VPS45: variants seen among roughly 807,000 people sequenced by gnomAD.
VPS45 encodes vacuolar protein sorting-associated protein 45.
Under a neutral mutation model 75.9 loss-of-function variants are expected in VPS45, and 35 were observed. The ratio of observed to expected loss-of-function variants is 0.46; its 90% confidence interval spans 0.35 to 0.61. The LOEUF is 0.61. VPS45 is among the 20% of genes least tolerant of loss of function. The pLI, the probability that VPS45 is intolerant of heterozygous loss-of-function variation, is 0.00. For missense variants in VPS45, 559 were observed against 685.9 expected, an observed-to-expected ratio of 0.81 and a Z score of 2.07; for synonymous variants, 220 against 238.2, an observed-to-expected ratio of 0.92 and a Z score of 0.70.
At chr1:150,084,172 A>G (rs1655882293) in intron 10 of VPS45, among the ~76,000 whole-genome samples, 1 of 152,196 alleles carries the variant, frequency 6.6e-6, no homozygotes, top group Non-Finnish European at 1.5e-5. Flanking sequence ...GAGAGTGAGT[A>G]TGAAACAGAA....
chr1:150,084,479 A>G (rs1553800264), intron 10 of VPS45, among the ~76,000 whole-genome samples: 1 of 152,176 alleles, frequency 6.6e-6, no homozygotes, highest in Non-Finnish European at 1.5e-5. Flanking sequence ...GGATATAAAG[A>G]TAGAATAAAT....
intron 14 of VPS45, among the ~76,000 whole-genome samples, chr1:150,144,387 G>T (rs1553816083): frequency 6.6e-6 from 1 of 152,118 alleles, no homozygotes; most frequent in Non-Finnish European, 1.5e-5. Context: ...ATGGTACTGA[G>T]TTAATATAGT....
intron 3 of VPS45, 74 bp from the exon 4 acceptor site, chr1:150,076,159 A>G (rs183004274): frequency 1.2e-4 from 137 of 1,097,778 alleles, no homozygotes; most frequent in Non-Finnish European, 1.7e-4. Flanking sequence ...ATTAGGCTTT[A>G]ACTATCAGGC....
intron 14 of VPS45, among the ~76,000 whole-genome samples, chr1:150,128,009 A>G (rs1553811178): frequency 6.6e-6 from 1 of 152,154 alleles, no homozygotes; most frequent in East Asian, 1.9e-4. Flanking sequence ...TTGAGTAAAA[A>G]TGACTAACTT....
chr1:150,098,033 G>C (rs988287851), intron 13 of VPS45, among the ~76,000 whole-genome samples: 1 of 152,042 alleles, frequency 6.6e-6, no homozygotes, highest in Admixed American at 6.5e-5. Context: ...CATTTTTATA[G>C]AGACAAGGTT....
At chr1:150,092,977 G>A (rs1656422324) in intron 12 of VPS45, among the ~76,000 whole-genome samples, 1 of 149,528 alleles carries the variant, frequency 6.7e-6, no homozygotes. Context: ...CGAGTAGCTG[G>A]GACTACAGGC....
chr1:150,128,216 A>G (rs1658617587), intron 14 of VPS45, among the ~76,000 whole-genome samples: 1 of 151,744 alleles, frequency 6.6e-6, no homozygotes, highest in Non-Finnish European at 1.5e-5. Flanking sequence ...ATGGGAGGAT[A>G]GCTTGAGCCC....
intron 13 of VPS45, among the ~76,000 whole-genome samples, chr1:150,099,468 C>T (rs587698357): frequency 1.3e-5 from 2 of 150,010 alleles, no homozygotes; most frequent in Admixed American, 6.6e-5. Context: ...GCCAAGATTG[C>T]GCCACTGCAC....
chr1:150,137,041 G>A (rs1473383194), intron 14 of VPS45, among the ~76,000 whole-genome samples: 1 of 152,126 alleles, frequency 6.6e-6, no homozygotes, highest in Non-Finnish European at 1.5e-5. Flanking sequence ...TGGGACCACA[G>A]GTGCATGCTA....
Position 150,144,806 on chromosome 1 carries a change from TG to T in VPS45, c.*15del. 6.2e-7 allele frequency: 1 copy of T among 1,613,982 alleles called. No individual in the cohort carries two copies. The highest frequency in any genetic ancestry group is 8.5e-7 in the Non-Finnish European group (1 of 1,180,002). ...AGCGAGCAGAAGATGAAACGGTGGT[TG>T]GGGGAAGGGCACAGCTTCCTCTCTT... On this transcript the variant is annotated 3_prime_UTR_variant, in exon 15 of 15. Coordinates refer to ENST00000644510, the MANE Select transcript of VPS45 (RefSeq NM_007259.5).
intron 3 of VPS45, among the ~76,000 whole-genome samples, chr1:150,072,749 C>G (rs111854534): frequency 0.014 from 2,142 of 150,374 alleles, 49 homozygotes; most frequent in African/African-American, 0.047. Flanking sequence ...AAAAATTTTA[C>G]ATTTTACTTT....
intron 13 of VPS45, chr1:150,099,019 C>G (rs587661464): frequency 9.1e-7 from 1 of 1,097,862 alleles, no homozygotes; most frequent in South Asian, 2.2e-5. Context: ...TTCTGTGAAG[C>G]AGCAGTCCTT....
At chr1:150,099,079 T>C in intron 13 of VPS45, 7 of 1,026,730 alleles carry the variant, frequency 6.8e-6, no homozygotes, top group African/African-American at 1.7e-5. Flanking sequence ...ACTGTACCAT[T>C]TGTAAGTATG....
intron 13 of VPS45, among the ~76,000 whole-genome samples, chr1:150,098,194 C>G (rs1334480653): frequency 6.6e-6 from 1 of 152,172 alleles, no homozygotes; most frequent in South Asian, 2.1e-4. Flanking sequence ...TGTTAATAGT[C>G]GTTACCTCTG....
chr1:150,105,721 A>G (rs1173208663), intron 13 of VPS45, among the ~76,000 whole-genome samples: 1 of 152,212 alleles, frequency 6.6e-6, no homozygotes, highest in East Asian at 1.9e-4. Flanking sequence ...ATTCCTATCA[A>G]TTTACCAACA....
intron 14 of VPS45, among the ~76,000 whole-genome samples, chr1:150,113,057 C>T (rs1017689481): frequency 6.6e-6 from 1 of 152,098 alleles, no homozygotes; most frequent in Middle Eastern, 3.2e-3. Flanking sequence ...TGTGGGCATG[C>T]TTGATTAAAT....
At chr1:150,067,762 G>A, upstream of VPS45, 1 of 1,267,456 alleles carries the variant, frequency 7.9e-7, no homozygotes, top group South Asian at 1.3e-5. Flanking sequence ...AATCCCGGCT[G>A]GGAGGAAGCA....
intron 14 of VPS45, among the ~76,000 whole-genome samples, chr1:150,111,106 A>G (rs1657626430): frequency 6.6e-6 from 1 of 152,236 alleles, no homozygotes; most frequent in Non-Finnish European, 1.5e-5. Context: ...AAGATGAATA[A>G]TCTAAAGATC....
intron 14 of VPS45, among the ~76,000 whole-genome samples, chr1:150,129,697 C>T (rs1227848378): frequency 2.6e-5 from 4 of 151,626 alleles, no homozygotes; most frequent in African/African-American, 9.7e-5. Flanking sequence ...GTAGCTGGGA[C>T]TACACGCTAC....
Sources: allele counts gnomAD v4.1 joint callset (sites outside exome capture counted in the v4.1 genomes callset), GRCh38; gene constraint gnomAD v4.1.1; transcripts MANE v1.5; gene names NCBI Gene and HGNC (gene_info 2026-07-23, HGNC 2026-07-21).